Variants in SH3D19 observed in about 807,000 individuals in gnomAD.
SH3D19 encodes the protein SH3 domain-containing protein 19.
A neutral mutation model predicts 112.1 loss-of-function variants in SH3D19; 58 were observed. That is an observed-to-expected ratio of 0.52 (90% CI 0.42 to 0.64). The LOEUF (loss-of-function observed/expected upper bound fraction) is 0.64, where lower values mean the gene tolerates loss of function less well. SH3D19 is among the 30% of genes least tolerant of loss of function. SH3D19 has a pLI of 0.00. For missense variants in SH3D19, 1,090 were observed against 1,263.4 expected (o/e 0.86, Z 2.08); for synonymous variants, 391 against 448.5 (o/e 0.87, Z 1.62).
At chr4:151,290,294 A>C (rs771138797) in intron 1 of SH3D19, among the ~76,000 whole-genome samples, 3 of 152,176 alleles carry the variant, frequency 2.0e-5, no homozygotes, top group Non-Finnish European at 4.4e-5. Flanking sequence ...AAGCAATCAC[A>C]ATGTCCATTA....
rs978241778 is a variant in SH3D19, at chr4:151,253,751, A to C, written c.113-27665T>G. On this transcript the variant is annotated intron_variant, in intron 1 of 19. Coordinates refer to ENST00000604030, the MANE Select transcript of SH3D19 (RefSeq NM_001378122.1). ...GCGAGACTCCGTCTCAAAAAAAAAA[A>C]AAAACAAGAAAACAACAACAACAAC... Among the ~76,000 whole-genome samples, 480 of 151,278 alleles carry C rather than the reference A, an allele frequency of 3.2e-3. 15 individuals are homozygous for C. Among genetic ancestry groups the C allele is most frequent in the Admixed American group, 0.029 (449 of 15,240 alleles).
At chr4:151,260,382 C>T (rs1317233561) in intron 1 of SH3D19, among the ~76,000 whole-genome samples, 1 of 152,186 alleles carries the variant, frequency 6.6e-6, no homozygotes, top group East Asian at 1.9e-4. Flanking sequence ...CACTGTCCCC[C>T]AATCTTTTTC....
chr4:151,310,708 A>T (rs534431065), intron 1 of SH3D19, among the ~76,000 whole-genome samples: 62 of 151,510 alleles, frequency 4.1e-4, no homozygotes, highest in African/African-American at 1.5e-3. Flanking sequence ...AGTAGCTGGG[A>T]CTACAGGTGC....
chr4:151,123,794 A>C (rs1019279285), intron 19 of SH3D19, among the ~76,000 whole-genome samples: 4 of 152,348 alleles, frequency 2.6e-5, no homozygotes, highest in African/African-American at 9.6e-5. Flanking sequence ...CAATGGTCCC[A>C]GATGACTCTG....
intron 1 of SH3D19, chr4:151,282,380 G>C (rs1774332926): frequency 1.2e-6 from 2 of 1,613,760 alleles, no homozygotes; most frequent in African/African-American, 1.3e-5. Flanking sequence ...CTTTTGTTGG[G>C]TGACCGGATG....
At chr4:151,312,873 C>T (rs1314763599) in intron 1 of SH3D19, among the ~76,000 whole-genome samples, 4 of 150,924 alleles carry the variant, frequency 2.7e-5, no homozygotes, top group Non-Finnish European at 5.9e-5. Context: ...TGCACTCCAG[C>T]CTGGGTGACA....
At chr4:151,132,278 C>A in intron 17 of SH3D19, 53 bp downstream of exon 17, 1 of 1,402,800 alleles carries the variant, frequency 7.1e-7, no homozygotes, top group Non-Finnish European at 1.0e-6. Flanking sequence ...TTTAATATTC[C>A]TCCCAGAGTC....
At chr4:151,154,022 C>T (rs543731876) in intron 9 of SH3D19, among the ~76,000 whole-genome samples, 3 of 151,692 alleles carry the variant, frequency 2.0e-5, no homozygotes, top group South Asian at 2.1e-4. Flanking sequence ...AGTGCAGTGG[C>T]GCGATCTCGG....
chr4:151,152,535 TC>T (rs1755244056), intron 9 of SH3D19, among the ~76,000 whole-genome samples: 2 of 149,936 alleles, frequency 1.3e-5, no homozygotes, highest in Non-Finnish European at 3.0e-5. Context: ...TTTTTTTTTT[TC>T]TGAGATGGAG....
At chr4:151,144,136 A>G in intron 11 of SH3D19, 86 bp from the exon 12 acceptor site, 3 of 1,587,460 alleles carry the variant, frequency 1.9e-6, no homozygotes, top group Admixed American at 3.6e-5. Flanking sequence ...TGGAGCCTAA[A>G]GCATTTAATA....
intron 1 of SH3D19, among the ~76,000 whole-genome samples, chr4:151,254,247 T>G (rs1013849487): frequency 1.3e-5 from 2 of 152,140 alleles, no homozygotes. Context: ...CTTAGAAGAT[T>G]TAGTCACTTT....
At chr4:151,129,926 A>G (rs1164633178) in intron 17 of SH3D19, among the ~76,000 whole-genome samples, 8 of 152,348 alleles carry the variant, frequency 5.3e-5, no homozygotes, top group African/African-American at 1.9e-4. Flanking sequence ...TTGCTCCTGC[A>G]CTTGAGTAAC....
chr4:151,131,068 A>T (rs1338029508), intron 17 of SH3D19, among the ~76,000 whole-genome samples: 2 of 152,050 alleles, frequency 1.3e-5, no homozygotes, highest in Non-Finnish European at 2.9e-5. Flanking sequence ...CTATATATTC[A>T]ATTTTATATC....
chr4:151,305,112 C>T (rs1349306796), intron 1 of SH3D19, among the ~76,000 whole-genome samples: 1 of 152,172 alleles, frequency 6.6e-6, no homozygotes, highest in African/African-American at 2.4e-5. Context: ...CAACCACAAC[C>T]ATAACAAGCA....
In SH3D19 at chr4:151,313,796, G is replaced by C. The variant is rs189151068; in HGVS notation, c.112+11445C>G. On this transcript the variant is annotated intron_variant, in intron 1 of 19. Coordinates refer to ENST00000604030, the MANE Select transcript of SH3D19 (RefSeq NM_001378122.1). ...CCACTGAGCTAGCCTATATGTTGAGGGGAATCTTTGTGAAGGAATGAAGAA... is the reference window on the plus strand; with the variant it reads ...CCACTGAGCTAGCCTATATGTTGAGCGGAATCTTTGTGAAGGAATGAAGAA... Among the ~76,000 whole-genome samples the C allele has an allele frequency of 4.6e-5, 7 of 152,234 alleles. No individual in the cohort carries two copies. The East Asian group carries it at 1.4e-3, about 29-fold the overall frequency.
At chr4:151,200,787 A>G (rs1764280715) in intron 2 of SH3D19, among the ~76,000 whole-genome samples, 3 of 152,236 alleles carry the variant, frequency 2.0e-5, no homozygotes. Context: ...ATCAGCAAAG[A>G]GGTTGCTCAT....
At chr4:151,166,724 C>G (rs1318936474) in intron 7 of SH3D19, among the ~76,000 whole-genome samples, 1 of 152,158 alleles carries the variant, frequency 6.6e-6, no homozygotes, top group African/African-American at 2.4e-5. Context: ...CTGTGATGAA[C>G]AGCATTCAAA....
chr4:151,287,667 G>A (rs1774944305), intron 1 of SH3D19, among the ~76,000 whole-genome samples: 1 of 152,178 alleles, frequency 6.6e-6, no homozygotes. Context: ...GGCCAAGACG[G>A]GAGGATCACT....
chr4:151,132,510 C>T (rs1463591124), intron 16 of SH3D19, 127 bp from the exon 17 acceptor site: 1 of 739,758 alleles, frequency 1.4e-6, no homozygotes. Flanking sequence ...CCGGTCTCTT[C>T]ATGTATTGTC....
Sources: gnomAD v4.1 joint callset for allele counts (sites outside exome capture counted in the v4.1 genomes callset) on GRCh38, gnomAD v4.1.1 for gene constraint, MANE v1.5 for transcripts, NCBI Gene and HGNC (gene_info 2026-07-23, HGNC 2026-07-21) for gene names.